The following PLCB1 variants were observed in gnomAD, a reference collection of about 807,000 sequenced individuals.
PLCB1 encodes 1-phosphatidylinositol 4,5-bisphosphate phosphodiesterase beta-1.
PLCB1 carries 46 observed loss-of-function variants against 161.8 expected under a neutral mutation model. The observed-to-expected ratio is 0.28, with a 90% CI of 0.22 to 0.36. The LOEUF (loss-of-function observed/expected upper bound fraction) is 0.36, where lower values mean the gene tolerates loss of function less well. Ranked by LOEUF, PLCB1 falls within the 10% of genes least tolerant of loss-of-function variation. The pLI, the probability that PLCB1 is intolerant of heterozygous loss-of-function variation, is 1.00. For missense variants in PLCB1, 1,016 were observed against 1,472.5 expected (o/e 0.69, Z 5.07); for synonymous variants, 517 against 503.7 (o/e 1.03, Z -0.35).
chr20:8,271,351 C>T (rs1003296308), intron 2 of PLCB1, among the ~76,000 whole-genome samples: 5 of 152,070 alleles, frequency 3.3e-5, no homozygotes, highest in African/African-American at 1.2e-4. Flanking sequence ...TCTCTACTTC[C>T]ATGAAGGGTG....
rs2051302458 is a variant in PLCB1 at position 8,132,583 on chromosome 20, CGCGCCCCGCGCACG to C, written c.-67_-54del. On this transcript the variant is annotated 5_prime_UTR_variant, in exon 1 of 32. Coordinates refer to ENST00000338037, the MANE Select transcript of PLCB1 (RefSeq NM_015192.4). The surrounding 1 kb of genome is among the most constrained non-coding windows in gnomAD (Gnocchi z 5.2). ...AGAAAGGAGCCCGCGCCCCGCGCCC[CGCGCCCCGCGCACG>C]GTCCCCAGTCCCTGCCGCGCTCGCC... The C allele has an allele frequency of 2.9e-6, 3 of 1,031,316 alleles. No homozygotes were observed. The highest frequency in any genetic ancestry group is 4.0e-6 in the Non-Finnish European group (3 of 749,528). 63.9% of individuals were successfully genotyped at this position (1,031,316 alleles called of 1,614,324 possible).
In PLCB1 at chr20:8,132,433, G is replaced by A. The variant is rs1453110254; in HGVS notation, c.-219G>A. The A allele has an allele frequency of 3.3e-6, 1 of 306,198 alleles. No homozygotes were observed. Among genetic ancestry groups the A allele is most frequent in the East Asian group, 5.3e-5 (1 of 18,772 alleles). The allele number at this position is 306,198 out of a possible 1,614,324, so 19.0% of individuals were successfully genotyped here. On this transcript the variant is annotated 5_prime_UTR_variant, in exon 1 of 32. Coordinates refer to ENST00000338037, the MANE Select transcript of PLCB1 (RefSeq NM_015192.4). The surrounding 1 kb of genome is among the most constrained non-coding windows in gnomAD (Gnocchi z 5.2). ...CCGCGGGCTCCAGACCTCGCGTCCC[G>A]CCCGGGGCATGGCCGGGCGCTGCGC...
At chr20:8,750,931 C>CAAT in intron 23 of PLCB1, 7 of 487,306 alleles carry the variant, frequency 1.4e-5, no homozygotes, top group South Asian at 2.0e-5. Flanking sequence ...AAGAACTGCA[C>CAAT]TCTTTTTTTT....
intron 3 of PLCB1, among the ~76,000 whole-genome samples, chr20:8,448,385 C>T (rs1742582141): frequency 6.6e-6 from 1 of 152,144 alleles, no homozygotes; most frequent in South Asian, 2.1e-4. Flanking sequence ...TCAGCACATT[C>T]CATGTTTTTG....
intron 4 of PLCB1, among the ~76,000 whole-genome samples, chr20:8,631,413 G>C (rs1030928436): frequency 4.6e-5 from 7 of 152,182 alleles, no homozygotes; most frequent in African/African-American, 1.7e-4. Context: ...CATTAACTAT[G>C]GTCTGAGTAA....
At chr20:8,612,997 G>A (rs996225759) in intron 3 of PLCB1, among the ~76,000 whole-genome samples, 6 of 152,176 alleles carry the variant, frequency 3.9e-5, no homozygotes, top group Non-Finnish European at 1.5e-5. Context: ...GATGTGAGAT[G>A]TGTGGGTGGG....
At chr20:8,269,711 T>G (rs986044224) in intron 2 of PLCB1, among the ~76,000 whole-genome samples, 2 of 152,192 alleles carry the variant, frequency 1.3e-5, no homozygotes, top group Non-Finnish European at 2.9e-5. Context: ...GACAGATTTT[T>G]GGCTTTCGTT....
chr20:8,635,447 G>C (rs1600213240), intron 4 of PLCB1, among the ~76,000 whole-genome samples: 1 of 152,188 alleles, frequency 6.6e-6, no homozygotes, highest in Admixed American at 6.5e-5. Context: ...CCCCTTAGCA[G>C]ATTGGTTGCT....
intron 3 of PLCB1, among the ~76,000 whole-genome samples, chr20:8,480,366 C>T (rs1472148163): frequency 6.6e-6 from 1 of 152,114 alleles, no homozygotes; most frequent in African/African-American, 2.4e-5. Context: ...GGATAGGAAG[C>T]AAACTTGAAG....
chr20:8,541,562 G>GAAAAAGAAAGAA (rs1555769018), intron 3 of PLCB1, among the ~76,000 whole-genome samples: 1 of 114,348 alleles, frequency 8.7e-6, no homozygotes, highest in Non-Finnish European at 1.8e-5. Context: ...AAGGAAGAAA[G>GAAAAAGAAAGAA]AGAAAGAAAG....
chr20:8,254,318 C>T (rs575610663), intron 2 of PLCB1, among the ~76,000 whole-genome samples: 1 of 151,796 alleles, frequency 6.6e-6, no homozygotes, highest in Admixed American at 6.6e-5. Flanking sequence ...TAGGTTATAC[C>T]CACCTGGGAA....
chr20:8,880,119 T>C (rs1248935112), intron 31 of PLCB1, among the ~76,000 whole-genome samples: 1 of 152,078 alleles, frequency 6.6e-6, no homozygotes, highest in African/African-American at 2.4e-5. Flanking sequence ...AAATACAGGT[T>C]TTAAGTCCAT....
At chr20:8,447,656 A>G (rs559653208) in intron 3 of PLCB1, among the ~76,000 whole-genome samples, 13 of 152,294 alleles carry the variant, frequency 8.5e-5, no homozygotes, top group Admixed American at 7.8e-4. Flanking sequence ...GAGGAATATA[A>G]TTTGGTCCAG....
intron 2 of PLCB1, among the ~76,000 whole-genome samples, chr20:8,219,518 G>A (rs1979301299): frequency 6.6e-6 from 1 of 152,118 alleles, no homozygotes; most frequent in Non-Finnish European, 1.5e-5. Context: ...AAATGGGCAG[G>A]AACTGTAACA....
intron 27 of PLCB1, among the ~76,000 whole-genome samples, chr20:8,786,598 A>G (rs1174436074): frequency 6.6e-6 from 1 of 152,148 alleles, no homozygotes; most frequent in Non-Finnish European, 1.5e-5. Flanking sequence ...CTTGAGCCAG[A>G]TGTGTCAGCG....
At chr20:8,510,248 T>C (rs1452979888) in intron 3 of PLCB1, among the ~76,000 whole-genome samples, 1 of 152,236 alleles carries the variant, frequency 6.6e-6, no homozygotes, top group African/African-American at 2.4e-5. Flanking sequence ...CTATCAACCA[T>C]GTGATTTCAA....
intron 9 of PLCB1, among the ~76,000 whole-genome samples, chr20:8,668,892 C>A (rs1375852165): frequency 3.9e-5 from 6 of 152,184 alleles, no homozygotes; most frequent in African/African-American, 1.4e-4. Flanking sequence ...ACAAGAATCT[C>A]CAGCATATCA....
At position 8,847,375 on chromosome 20, in the gene PLCB1, C is replaced by G. The variant is rs570245245; in HGVS notation, c.3424-34247C>G. On this transcript the variant is annotated intron_variant, in intron 31 of 31. Coordinates refer to ENST00000338037, the MANE Select transcript of PLCB1 (RefSeq NM_015192.4). ...ACACATCCAAGATCTGTCCTTACTC[C>G]CTTTCAAACACCCAGCCCTTGGTCA... Among the ~76,000 whole-genome samples, 10 of 152,256 alleles carry G rather than the reference C, an allele frequency of 6.6e-5. No individual in the cohort carries two copies. In the South Asian group the frequency reaches 1.9e-3, roughly 28 times the overall value.
At chr20:8,375,202 CT>C (rs1177058034) in intron 3 of PLCB1, among the ~76,000 whole-genome samples, 1 of 152,170 alleles carries the variant, frequency 6.6e-6, no homozygotes, top group Non-Finnish European at 1.5e-5. Flanking sequence ...AAGGTGCTTA[CT>C]TTTTTTCTTG....
Sources: allele counts gnomAD v4.1 joint callset (sites outside exome capture counted in the v4.1 genomes callset), GRCh38; gene constraint gnomAD v4.1.1; non-coding constraint Gnocchi (gnomAD v3.1); transcripts MANE v1.5; gene names NCBI Gene and HGNC (gene_info 2026-07-23, HGNC 2026-07-21).